Variants in GLIS3 observed in about 807,000 individuals in gnomAD.
GLIS3 encodes GLIS family zinc finger 3, also known as zinc finger protein GLIS3.
Under a neutral mutation model 78.6 loss-of-function variants are expected in GLIS3, and 53 were observed. The ratio of observed to expected loss-of-function variants is 0.67; its 90% CI spans 0.54 to 0.85. The LOEUF (loss-of-function observed/expected upper bound fraction) is 0.85. GLIS3 is among the 40% of genes least tolerant of loss of function. The pLI is 0.00. For missense variants in GLIS3, 1,703 were observed against 1,231.1 expected, an observed-to-expected ratio of 1.38 and a Z score of -5.74; for synonymous variants, 684 against 509.9, an observed-to-expected ratio of 1.34 and a Z score of -4.60.
At chr9:4,388,474 C>T in the GLIS3 span, among the ~76,000 whole-genome samples, 10 of 151,848 alleles carry the variant, frequency 6.6e-5, no homozygotes, top group South Asian at 6.2e-4. Context: ...GTCAGGAGTT[C>T]GAGAGCATCC....
intron 2 of GLIS3, among the ~76,000 whole-genome samples, chr9:4,342,493 G>A (rs889455608): frequency 2.0e-5 from 3 of 152,178 alleles, no homozygotes; most frequent in East Asian, 3.9e-4. Flanking sequence ...GGGTTACTGC[G>A]GTCTTGTAGT....
At chr9:4,083,925 G>C (rs1435738400) in intron 4 of GLIS3, among the ~76,000 whole-genome samples, 1 of 152,110 alleles carries the variant, frequency 6.6e-6, no homozygotes, top group African/African-American at 2.4e-5. Context: ...ATCATCTCTA[G>C]AGAAAGAAAC....
chr9:3,899,343 A>G (rs1433323310), intron 6 of GLIS3, among the ~76,000 whole-genome samples: 2 of 152,198 alleles, frequency 1.3e-5, no homozygotes, highest in East Asian at 1.9e-4. Flanking sequence ...AGATAAAACA[A>G]TGTGATTAAC....
chr9:3,855,767 A>C (rs1488194326), intron 9 of GLIS3: 1 of 507,244 alleles, frequency 2.0e-6, no homozygotes, highest in Admixed American at 3.1e-5. Context: ...CTGGCCAATG[A>C]AAAAACCAGC....
At chr9:4,012,528 C>T (rs1252399124) in intron 4 of GLIS3, among the ~76,000 whole-genome samples, 1 of 151,988 alleles carries the variant, frequency 6.6e-6, no homozygotes, top group Non-Finnish European at 1.5e-5. Flanking sequence ...TAAACTTTTC[C>T]TTGGTGCTTT....
chr9:4,434,287 A>G, the GLIS3 span, among the ~76,000 whole-genome samples: 1 of 152,150 alleles, frequency 6.6e-6, no homozygotes, highest in Non-Finnish European at 1.5e-5. Context: ...TGTTAGTGGT[A>G]GTAGAAGTAG....
intron 2 of GLIS3, among the ~76,000 whole-genome samples, chr9:4,324,831 A>C (rs2130553723): frequency 6.6e-6 from 1 of 152,334 alleles, no homozygotes; most frequent in South Asian, 2.1e-4. Flanking sequence ...AAAATAAAAT[A>C]AAATAATCAC....
rs901126079 is a variant in GLIS3, at chr9:4,334,711, C to G, written n.264+12370G>C. ...TATACTCCCTCAATCCACACTACTGCCCTTATGAGTCACAGCATTCATTCT... is the reference window on the plus strand; with the variant it reads ...TATACTCCCTCAATCCACACTACTGGCCTTATGAGTCACAGCATTCATTCT... On this transcript the variant is annotated intron_variant and non_coding_transcript_variant, in intron 2 of 4. Transcript: ENST00000471664. Among the ~76,000 whole-genome samples the G allele has an allele frequency of 5.3e-5, 8 of 152,118 alleles. 1 individual carries two copies. The highest frequency in any genetic ancestry group is 2.9e-5 in the Non-Finnish European group (2 of 68,030).
intron 10 of GLIS3, 134 bp downstream of exon 10, chr9:3,829,176 A>AT: frequency 4.0e-6 from 3 of 745,586 alleles, no homozygotes; most frequent in Admixed American, 4.0e-5. Context: ...GATGAGAGCC[A>AT]TTTCAGGGGT....
At chr9:3,993,777 G>T (rs1312487334) in intron 4 of GLIS3, among the ~76,000 whole-genome samples, 1 of 152,052 alleles carries the variant, frequency 6.6e-6, no homozygotes, top group African/African-American at 2.4e-5. Context: ...TTTAATATTG[G>T]CCTACTGCTA....
At chr9:3,860,002 G>A (rs930204814) in intron 8 of GLIS3, among the ~76,000 whole-genome samples, 14 of 151,758 alleles carry the variant, frequency 9.2e-5, no homozygotes, top group South Asian at 2.1e-4. Flanking sequence ...GGGGCCAAGC[G>A]TGGTGGCTCA....
intron 4 of GLIS3, among the ~76,000 whole-genome samples, chr9:4,115,670 A>G (rs1477329914): frequency 6.6e-6 from 1 of 152,110 alleles, no homozygotes; most frequent in Non-Finnish European, 1.5e-5. Flanking sequence ...CAGTTTTCAG[A>G]AGACACAATG....
At chr9:4,422,564 A>C in the GLIS3 span, among the ~76,000 whole-genome samples, 1 of 152,232 alleles carries the variant, frequency 6.6e-6, no homozygotes, top group African/African-American at 2.4e-5. Flanking sequence ...TCCATAAAAA[A>C]TATCAGTTAC....
In GLIS3 at chr9:4,125,886, A is replaced by C. The variant is rs1362884847; in HGVS notation, c.444T>G (p.Asn148Lys). The C allele has an allele frequency of 6.2e-7, 1 of 1,613,990 alleles. No individual in the cohort carries two copies. The highest frequency in any genetic ancestry group is 8.5e-7 in the Non-Finnish European group (1 of 1,179,964). Residue 148 changes from asparagine (N) to lysine (K), a missense_variant, in exon 3 of 11, where the codon AAT becomes AAG. By Grantham distance (94) the Asn-to-Lys change is moderately conservative. Transcript: ENST00000381971. ...TCATGGGACTGCTGGTGACCACTAG[A>C]TTGTTGCAGCTGCCTTTTCCAATGG... is the stretch of plus-strand genomic sequence containing the variant. ...CKSIGKGSCN[N>K]LVVTSSPMMV...
chr9:4,375,706 T>C, the GLIS3 span, among the ~76,000 whole-genome samples: 3 of 152,236 alleles, frequency 2.0e-5, no homozygotes, highest in Admixed American at 1.3e-4. Context: ...TTTTAAAATA[T>C]GTGCACATAA....
At chr9:4,257,465 G>A (rs11794543) in intron 2 of GLIS3, among the ~76,000 whole-genome samples, 1 of 152,080 alleles carries the variant, frequency 6.6e-6, no homozygotes, top group African/African-American at 2.4e-5. Flanking sequence ...CAAGGGAATA[G>A]ATTTTGGGTA....
rs199929472 is a variant in GLIS3, at chr9:3,932,439, G to A, written c.1904C>T (p.Thr635Ile). ...GGAACTTGGGTCTGTGTAGCGTTTG[G>A]TACATCCTGGAATTTGACAAGCATA... ...KPYACQIPGC[T>I]KRYTDPSSLR... The change falls in exon 6 of 11, where the codon ACC (threonine) becomes ATC (isoleucine). Residue 635 changes from threonine (T) to isoleucine (I), a missense_variant. Thr to Ile is a moderately conservative substitution (Grantham distance 89). Coordinates refer to ENST00000381971, the MANE Select transcript of GLIS3 (RefSeq NM_001042413.2). The A allele has an allele frequency of 1.2e-4, 187 of 1,613,408 alleles. No homozygotes were observed. The highest frequency in any genetic ancestry group is 1.6e-4 in the Non-Finnish European group (183 of 1,179,594).
At chr9:4,407,091 T>G in the GLIS3 span, among the ~76,000 whole-genome samples, 1 of 152,034 alleles carries the variant, frequency 6.6e-6, no homozygotes, top group Non-Finnish European at 1.5e-5. Context: ...GGTATAAAAA[T>G]AGACACATAG....
intron 2 of GLIS3, among the ~76,000 whole-genome samples, chr9:4,339,121 T>G (rs946772218): frequency 6.6e-6 from 1 of 152,200 alleles, no homozygotes; most frequent in African/African-American, 2.4e-5. Context: ...GAGGATAAAC[T>G]CAACACCTCA....
Sources: allele counts gnomAD v4.1 joint callset (sites outside exome capture counted in the v4.1 genomes callset), GRCh38; gene constraint gnomAD v4.1.1; transcripts MANE v1.5; gene names NCBI Gene and HGNC (gene_info 2026-07-23, HGNC 2026-07-21).